Variants in DOK6 observed in about 807,000 individuals in gnomAD.
DOK6 encodes the protein downstream of tyrosine kinase 6.
DOK6 carries 22 observed loss-of-function variants against 44.0 expected under a neutral mutation model. The observed-to-expected ratio is 0.50, with a 90% CI of 0.36 to 0.71. DOK6 has a LOEUF of 0.71. DOK6 is among the 30% of genes least tolerant of loss of function. The pLI is 0.00. For missense variants in DOK6, 340 were observed against 416.4 expected, an observed-to-expected ratio of 0.82 and a Z score of 1.60; for synonymous variants, 166 against 145.5, an observed-to-expected ratio of 1.14 and a Z score of -1.01.
At chr18:69,434,287 C>T (rs1448138633) in intron 1 of DOK6, among the ~76,000 whole-genome samples, 1 of 152,204 alleles carries the variant, frequency 6.6e-6, no homozygotes, top group East Asian at 1.9e-4. Context: ...GCCACATGTT[C>T]TCCATGTGAT....
At chr18:69,470,339 T>C (rs1023868564) in intron 1 of DOK6, among the ~76,000 whole-genome samples, 4 of 152,170 alleles carry the variant, frequency 2.6e-5, no homozygotes, top group Non-Finnish European at 5.9e-5. Context: ...TTCTGAGCTA[T>C]CTTTGTTCAT....
intron 3 of DOK6, among the ~76,000 whole-genome samples, chr18:69,644,572 G>C (rs72961478): frequency 0.08 from 12,150 of 152,160 alleles, 581 homozygotes; most frequent in East Asian, 0.17. Flanking sequence ...ACGTAATTGT[G>C]TGGGTCTATT....
chr18:69,530,805 T>G (rs1446037409), intron 1 of DOK6, among the ~76,000 whole-genome samples: 5 of 152,132 alleles, frequency 3.3e-5, no homozygotes, highest in Non-Finnish European at 5.9e-5. Flanking sequence ...CTGAGTTCAA[T>G]TCCTGGATAT....
intron 4 of DOK6, among the ~76,000 whole-genome samples, chr18:69,695,425 C>T (rs4891770): frequency 0.4 from 60,459 of 152,102 alleles, 12,379 homozygotes; most frequent in Middle Eastern, 0.5. Flanking sequence ...TGATTTAAAA[C>T]GCCTGCTTGA....
chr18:69,839,262 T>C (rs1982142454), intron 7 of DOK6, among the ~76,000 whole-genome samples: 1 of 144,152 alleles, frequency 6.9e-6, no homozygotes, highest in African/African-American at 2.6e-5. Context: ...AGTCTCTCCC[T>C]AACCCCTCCC....
chr18:69,818,068 A>T (rs1355340245), intron 7 of DOK6, among the ~76,000 whole-genome samples: 1 of 152,170 alleles, frequency 6.6e-6, no homozygotes, highest in Admixed American at 6.5e-5. Context: ...ACAAATACCT[A>T]TGGAAGGAAG....
chr18:69,691,157 C>T (rs954720395), intron 4 of DOK6, among the ~76,000 whole-genome samples: 3 of 149,928 alleles, frequency 2.0e-5, no homozygotes, highest in East Asian at 2.0e-4. Context: ...CACTCCAGCC[C>T]GGGCGACAAG....
At chr18:69,546,346 A>G (rs1279172162) in intron 1 of DOK6, among the ~76,000 whole-genome samples, 1 of 151,454 alleles carries the variant, frequency 6.6e-6, no homozygotes, top group Non-Finnish European at 1.5e-5. Context: ...GTATGCATAA[A>G]TATAAATGGC....
At chr18:69,587,535 A>T (rs1983531256) in intron 2 of DOK6, among the ~76,000 whole-genome samples, 1 of 152,152 alleles carries the variant, frequency 6.6e-6, no homozygotes, top group Non-Finnish European at 1.5e-5. Context: ...CGCAGGTTCT[A>T]GGGACTAGGA....
At chr18:69,507,957 A>G (rs1981243401) in intron 1 of DOK6, among the ~76,000 whole-genome samples, 1 of 152,120 alleles carries the variant, frequency 6.6e-6, no homozygotes, top group Non-Finnish European at 1.5e-5. Context: ...GACTTAGGGG[A>G]AAAGTGTTCA....
At chr18:69,537,401 T>C (rs1024662621) in intron 1 of DOK6, among the ~76,000 whole-genome samples, 2 of 152,080 alleles carry the variant, frequency 1.3e-5, no homozygotes, top group Non-Finnish European at 2.9e-5. Context: ...CTTTCTTCAG[T>C]GAGTTGGATT....
chr18:69,779,371 T>C (rs888822949), intron 7 of DOK6, among the ~76,000 whole-genome samples: 38 of 151,902 alleles, frequency 2.5e-4, no homozygotes, highest in African/African-American at 8.9e-4. Context: ...GCTCACTAGA[T>C]ATCAAAGCAG....
chr18:69,528,166 A>AC (rs1981888453), intron 1 of DOK6, among the ~76,000 whole-genome samples: 1 of 151,496 alleles, frequency 6.6e-6, no homozygotes. Flanking sequence ...CTGTCTCAAA[A>AC]AAAAAAAAAA....
chr18:69,424,203 G>A (rs923937523), intron 1 of DOK6, among the ~76,000 whole-genome samples: 5 of 152,090 alleles, frequency 3.3e-5, no homozygotes, highest in African/African-American at 9.7e-5. Context: ...GGCATAGGTT[G>A]GCCACATACT....
intron 7 of DOK6, among the ~76,000 whole-genome samples, chr18:69,760,693 T>C (rs1371441127): frequency 6.6e-6 from 1 of 150,508 alleles, no homozygotes; most frequent in East Asian, 2.0e-4. Flanking sequence ...TTCAGGTGTT[T>C]TCTATCTAGT....
At chr18:69,640,814 A>G (rs1984920754) in intron 3 of DOK6, among the ~76,000 whole-genome samples, 1 of 152,200 alleles carries the variant, frequency 6.6e-6, no homozygotes, top group South Asian at 2.1e-4. Flanking sequence ...TGATATGAGT[A>G]TTTATTGCTT....
chr18:69,767,402 A>T (rs1476360954), intron 7 of DOK6, among the ~76,000 whole-genome samples: 1 of 152,190 alleles, frequency 6.6e-6, no homozygotes, highest in Non-Finnish European at 1.5e-5. Flanking sequence ...TAAACAAGAC[A>T]TGGCACCTTA....
chr18:69,443,863 C>T (rs1026947514), intron 1 of DOK6, among the ~76,000 whole-genome samples: 2 of 152,050 alleles, frequency 1.3e-5, no homozygotes, highest in Non-Finnish European at 2.9e-5. Context: ...ATAGTCCTCA[C>T]GTTCAGAGTG....
intron 7 of DOK6, among the ~76,000 whole-genome samples, chr18:69,763,511 A>G (rs1018691512): frequency 6.6e-6 from 1 of 152,190 alleles, no homozygotes; most frequent in Admixed American, 6.5e-5. Flanking sequence ...TATTCATACA[A>G]TTGTATTTCC....
Sources: gnomAD v4.1 joint callset for allele counts (sites outside exome capture counted in the v4.1 genomes callset) on GRCh38, gnomAD v4.1.1 for gene constraint, MANE v1.5 for transcripts, NCBI Gene and HGNC (gene_info 2026-07-23, HGNC 2026-07-21) for gene names.